MACROD2: variants seen among roughly 807,000 people sequenced by gnomAD.
MACROD2 encodes the protein ADP-ribose glycohydrolase MACROD2.
In MACROD2, 36 loss-of-function variants were observed where a neutral mutation model predicts 70.4. The ratio of observed to expected loss-of-function variants is 0.51; its 90% CI spans 0.39 to 0.68. MACROD2 has a LOEUF of 0.68. MACROD2 is among the 30% of genes least tolerant of loss of function. The probability of loss-of-function intolerance (pLI) is 0.00; values close to 1 mark genes in which losing one functional copy is unlikely to be tolerated. For synonymous variants in MACROD2, 172 were observed against 178.8 expected, an observed-to-expected ratio of 0.96 and a Z score of 0.30; for missense variants, 496 against 538.4, an observed-to-expected ratio of 0.92 and a Z score of 0.78.
At chr20:14,740,560 T>C (rs567995762) in intron 5 of MACROD2, among the ~76,000 whole-genome samples, 1 of 152,290 alleles carries the variant, frequency 6.6e-6, no homozygotes, top group East Asian at 1.9e-4. Context: ...TATTTCATGT[T>C]TTTTTACAGT....
intron 4 of MACROD2, among the ~76,000 whole-genome samples, chr20:14,506,315 G>A (rs957428051): frequency 6.6e-6 from 1 of 152,112 alleles, no homozygotes; most frequent in South Asian, 2.1e-4. Flanking sequence ...AGCCACAAAA[G>A]GCCAAGAAGA....
chr20:15,424,201 T>A (rs1306210659), intron 6 of MACROD2, among the ~76,000 whole-genome samples: 1 of 152,150 alleles, frequency 6.6e-6, no homozygotes, highest in African/African-American at 2.4e-5. Context: ...GCAGAGGAAC[T>A]GCAAAATTAT....
At chr20:14,595,647 T>C (rs1465419908) in intron 4 of MACROD2, among the ~76,000 whole-genome samples, 3 of 152,172 alleles carry the variant, frequency 2.0e-5, no homozygotes, top group Admixed American at 2.0e-4. Context: ...GTATGTCGAG[T>C]CGAATTTTCT....
chr20:15,286,587 G>C (rs773007986), intron 6 of MACROD2, among the ~76,000 whole-genome samples: 4 of 150,534 alleles, frequency 2.7e-5, no homozygotes, highest in Non-Finnish European at 5.9e-5. Context: ...AGGTGGAGAC[G>C]AGGGCTACAA....
chr20:14,128,733 G>A lies in MACROD2; in HGVS notation c.271+43005G>A, dbSNP rs556019150. Among the ~76,000 whole-genome samples the A allele has an allele frequency of 2.6e-5, 4 of 152,316 alleles. No homozygotes were observed. In the East Asian group the frequency reaches 7.7e-4, roughly 29 times the overall value. On this transcript the variant is annotated intron_variant, in intron 3 of 17. Coordinates refer to ENST00000684519, the MANE Select transcript of MACROD2 (RefSeq NM_001351661.2). ...CTTGGTAGGGGTTAATGCAGCTGGT[G>A]ACTCTAAGTTGAAGCCAGTGCTCAT...
chr20:14,468,376 T>G (rs378220), intron 3 of MACROD2, among the ~76,000 whole-genome samples: 146,060 of 151,318 alleles, frequency 0.97, 70,756 homozygotes, highest in East Asian at 1. Flanking sequence ...GCCCTTCTTT[T>G]TATTTTCTGA....
At chr20:15,215,140 T>G (rs955903246) in intron 5 of MACROD2, among the ~76,000 whole-genome samples, 2 of 152,096 alleles carry the variant, frequency 1.3e-5, no homozygotes, top group African/African-American at 2.4e-5. Flanking sequence ...AGGTATAAAA[T>G]AAATCGGGCT....
chr20:14,154,337 T>C (rs962333134), intron 3 of MACROD2, among the ~76,000 whole-genome samples: 1 of 151,876 alleles, frequency 6.6e-6, no homozygotes, highest in African/African-American at 2.4e-5. Context: ...GCGCTGAAAA[T>C]GGAACCTGCT....
chr20:15,991,412 G>C (rs967022502), intron 15 of MACROD2, among the ~76,000 whole-genome samples: 1 of 152,158 alleles, frequency 6.6e-6, no homozygotes, highest in African/African-American at 2.4e-5. Flanking sequence ...ATCACTGGCA[G>C]AGCCCTTTCT....
At chr20:15,102,274 A>G (rs949166010) in intron 5 of MACROD2, among the ~76,000 whole-genome samples, 2 of 152,102 alleles carry the variant, frequency 1.3e-5, no homozygotes, top group Non-Finnish European at 2.9e-5. Context: ...GTTATTTCAC[A>G]TAAAAAATCT....
At chr20:14,747,347 T>C (rs1203961691) in intron 5 of MACROD2, among the ~76,000 whole-genome samples, 4 of 152,152 alleles carry the variant, frequency 2.6e-5, no homozygotes, top group Non-Finnish European at 4.4e-5. Context: ...AGCTTAAGCA[T>C]CAAGATAGAG....
chr20:15,224,595 A>C (rs756218664), intron 5 of MACROD2, among the ~76,000 whole-genome samples: 18 of 152,210 alleles, frequency 1.2e-4, no homozygotes, highest in Non-Finnish European at 2.5e-4. Flanking sequence ...CAATTATTCA[A>C]AATTCTTTGG....
Position 14,684,558 on chromosome 20 carries a change from ATATC to A in MACROD2, c.302-284_302-281del, listed in dbSNP as rs1568737447. ...TACCACTGAAATGGAAAAATGCTAC[ATATC>A]AAGGATTCTCCCACCCCAGAGAACC... On this transcript the variant is annotated intron_variant, in intron 4 of 17. Transcript: ENST00000684519. Among the ~76,000 whole-genome samples, 9 of 152,238 alleles carry A rather than the reference ATATC, an allele frequency of 5.9e-5. No individual in the cohort carries two copies. The South Asian group carries it at 1.7e-3, about 28-fold the overall frequency.
intron 3 of MACROD2, among the ~76,000 whole-genome samples, chr20:14,281,469 T>C (rs1718745318): frequency 6.6e-6 from 1 of 152,210 alleles, no homozygotes; most frequent in South Asian, 2.1e-4. Context: ...TTTTGGGATG[T>C]TCAAAATATC....
chr20:14,313,575 A>G (rs1398724893), intron 3 of MACROD2, among the ~76,000 whole-genome samples: 1 of 152,164 alleles, frequency 6.6e-6, no homozygotes, highest in Non-Finnish European at 1.5e-5. Flanking sequence ...GGGAGGTGAG[A>G]AACTTTAATG....
chr20:15,224,372 G>A (rs180853243), intron 5 of MACROD2, among the ~76,000 whole-genome samples: 267 of 152,264 alleles, frequency 1.8e-3, no homozygotes, highest in South Asian at 0.017. Context: ...ACATACAAAT[G>A]TATGCCATTC....
At chr20:14,330,104 T>A (rs1298819689) in intron 3 of MACROD2, among the ~76,000 whole-genome samples, 1 of 152,068 alleles carries the variant, frequency 6.6e-6, no homozygotes, top group African/African-American at 2.4e-5. Flanking sequence ...GTAGTGACCA[T>A]TAGGAAAGCA....
chr20:14,448,825 A>G (rs2084213842), intron 3 of MACROD2, among the ~76,000 whole-genome samples: 2 of 152,154 alleles, frequency 1.3e-5, no homozygotes, highest in Non-Finnish European at 2.9e-5. Context: ...CTCAGCAAAT[A>G]TGGATTTTCT....
chr20:14,723,339 G>A (rs1270486894), intron 5 of MACROD2, among the ~76,000 whole-genome samples: 1 of 151,908 alleles, frequency 6.6e-6, no homozygotes, highest in Non-Finnish European at 1.5e-5. Flanking sequence ...GAAATGAGGG[G>A]ACTAGAAAAG....
Sources: gnomAD v4.1 joint callset for allele counts (sites outside exome capture counted in the v4.1 genomes callset) on GRCh38, gnomAD v4.1.1 for gene constraint, MANE v1.5 for transcripts, NCBI Gene and HGNC (gene_info 2026-07-23, HGNC 2026-07-21) for gene names.